The following CADPS2 variants were observed in gnomAD, a reference collection of about 807,000 sequenced individuals.
CADPS2 encodes the protein calcium dependent secretion activator 2.
In CADPS2, 93 loss-of-function variants were observed where a neutral mutation model predicts 172.5. The observed-to-expected ratio is 0.54, with a 90% CI of 0.46 to 0.64. The LOEUF (loss-of-function observed/expected upper bound fraction) is 0.64, where lower values mean the gene tolerates loss of function less well. CADPS2 is among the 30% of genes least tolerant of loss of function. CADPS2 has a pLI of 0.00. For synonymous variants in CADPS2, 546 were observed against 555.2 expected (o/e 0.98, Z 0.23); for missense variants, 1,420 against 1,565.9 (o/e 0.91, Z 1.57).
intron 28 of CADPS2, among the ~76,000 whole-genome samples, chr7:122,340,399 C>T (rs1039844500): frequency 6.6e-6 from 1 of 152,152 alleles, no homozygotes; most frequent in Admixed American, 6.5e-5. Context: ...TCAAGGTGGG[C>T]AGTGCCCAAT....
At chr7:122,759,918 G>A (rs1371321907) in intron 1 of CADPS2, among the ~76,000 whole-genome samples, 1 of 151,750 alleles carries the variant, frequency 6.6e-6, no homozygotes, top group Admixed American at 6.6e-5. Flanking sequence ...CAACTACACA[G>A]CTAATATGAG....
At chr7:122,603,555 A>G (rs1187158740) in intron 6 of CADPS2, among the ~76,000 whole-genome samples, 1 of 152,044 alleles carries the variant, frequency 6.6e-6, no homozygotes, top group East Asian at 1.9e-4. Context: ...GTTCCTACCT[A>G]TATTACCCCA....
At chr7:122,373,503 G>A (rs2042006987) in intron 25 of CADPS2, among the ~76,000 whole-genome samples, 1 of 152,102 alleles carries the variant, frequency 6.6e-6, no homozygotes, top group African/African-American at 2.4e-5. Flanking sequence ...GTGGACCCTG[G>A]TATCACGCCT....
intron 17 of CADPS2, among the ~76,000 whole-genome samples, chr7:122,434,102 G>C (rs893543267): frequency 6.6e-6 from 1 of 152,180 alleles, no homozygotes; most frequent in South Asian, 2.1e-4. Flanking sequence ...TCTACAACAG[G>C]AATGTTGTAG....
chr7:122,737,098 A>T (rs1333899614), intron 1 of CADPS2, 30 bp from the exon 2 acceptor site: 1 of 1,183,086 alleles, frequency 8.5e-7, no homozygotes, highest in South Asian at 1.2e-5. Flanking sequence ...TAAGCAGATA[A>T]ATTGGCCAGT....
At chr7:122,645,417 GTA>G (rs72243070) in intron 3 of CADPS2, among the ~76,000 whole-genome samples, 4 of 59,226 alleles carry the variant, frequency 6.8e-5, no homozygotes, top group African/African-American at 2.2e-4. Context: ...ATACACACAT[GTA>G]TATGTGTGTA....
chr7:122,554,775 T>C (rs568817250), intron 7 of CADPS2, 86 bp from the exon 8 acceptor site: 3 of 1,245,828 alleles, frequency 2.4e-6, no homozygotes, highest in Non-Finnish European at 3.2e-6. Context: ...GTTTTCCTGT[T>C]TGAAAAAATG....
At chr7:122,862,921 C>T (rs904273865) in intron 1 of CADPS2, among the ~76,000 whole-genome samples, 4 of 152,094 alleles carry the variant, frequency 2.6e-5, no homozygotes, top group African/African-American at 9.7e-5. Flanking sequence ...GATGTGTACA[C>T]CCACTTATAT....
intron 8 of CADPS2, among the ~76,000 whole-genome samples, chr7:122,534,437 T>C (rs2062046744): frequency 6.6e-6 from 1 of 152,078 alleles, no homozygotes; most frequent in African/African-American, 2.4e-5. Context: ...CTGAAAGATA[T>C]TATGCAGATT....
Position 122,409,001 on chromosome 7 carries a change from TG to T in CADPS2, c.2590-1306del, listed in dbSNP as rs2046995882. ...TGAGAGTTGGGGACATTTTAATGCC[TG>T]GCTCAATGCTGTGACCAATATATGA... On this transcript the variant is annotated intron_variant, in intron 19 of 29. Transcript: ENST00000449022. 4.6e-5 allele frequency among the ~76,000 whole-genome samples: 7 copies of T among 152,362 alleles called. No individual in the cohort carries two copies. The South Asian group carries it at 1.4e-3, about 32-fold the overall frequency.
chr7:122,586,165 A>T (rs2069653808), intron 6 of CADPS2, among the ~76,000 whole-genome samples: 1 of 152,030 alleles, frequency 6.6e-6, no homozygotes, highest in Non-Finnish European at 1.5e-5. Flanking sequence ...TACAAAACTG[A>T]ACGTGCACAT....
At chr7:122,580,691 T>G (rs2068695966) in intron 7 of CADPS2, among the ~76,000 whole-genome samples, 1 of 152,048 alleles carries the variant, frequency 6.6e-6, no homozygotes, top group African/African-American at 2.4e-5. Flanking sequence ...AGAATAATGT[T>G]AAAAGGTGTG....
At position 122,886,377 on chromosome 7, in the gene CADPS2, AG is replaced by A; in HGVS notation, c.-41del. The A allele has an allele frequency of 6.7e-7, 1 of 1,481,896 alleles. No homozygotes were observed. 91.8% of individuals were successfully genotyped at this position (1,481,896 alleles called of 1,614,324 possible). On this transcript the variant is annotated 5_prime_UTR_variant, in exon 1 of 30. Coordinates refer to ENST00000449022, the MANE Select transcript of CADPS2 (RefSeq NM_017954.11). ...CCCGCCGCTCGGCCCGCGGTCCCCA[AG>A]CGCCTCACCCCCGGCGGCTGCGCCC...
At chr7:122,416,707 T>C (rs2047962266) in intron 17 of CADPS2, among the ~76,000 whole-genome samples, 1 of 152,132 alleles carries the variant, frequency 6.6e-6, no homozygotes, top group Non-Finnish European at 1.5e-5. Context: ...CCAGCCACCA[T>C]CCCACCCCAC....
chr7:122,668,726 C>A (rs2081451571), intron 2 of CADPS2, among the ~76,000 whole-genome samples: 1 of 152,048 alleles, frequency 6.6e-6, no homozygotes, highest in Non-Finnish European at 1.5e-5. Context: ...GAAATCAGGT[C>A]AAATGAAGAG....
chr7:122,671,943 A>T (rs917884416), intron 2 of CADPS2, among the ~76,000 whole-genome samples: 62 of 152,210 alleles, frequency 4.1e-4, no homozygotes, highest in African/African-American at 1.4e-3. Flanking sequence ...TTATATGCTC[A>T]TATACGAAAG....
At chr7:122,777,626 T>G (rs1315315761) in intron 1 of CADPS2, among the ~76,000 whole-genome samples, 1 of 152,082 alleles carries the variant, frequency 6.6e-6, no homozygotes, top group African/African-American at 2.4e-5. Context: ...GGTGGTTACC[T>G]CCATGCTATT....
At chr7:122,449,512 G>C (rs1314572234) in intron 15 of CADPS2, among the ~76,000 whole-genome samples, 1 of 151,906 alleles carries the variant, frequency 6.6e-6, no homozygotes, top group African/African-American at 2.4e-5. Flanking sequence ...TGTAGAGATG[G>C]GGTCTCGCTA....
At chr7:122,432,445 G>A (rs2151902647) in intron 17 of CADPS2, among the ~76,000 whole-genome samples, 1 of 152,044 alleles carries the variant, frequency 6.6e-6, no homozygotes, top group South Asian at 2.1e-4. Context: ...TTCAAGATCA[G>A]CCTGGCCAAC....
Sources: gnomAD v4.1 joint callset for allele counts (sites outside exome capture counted in the v4.1 genomes callset) on GRCh38, gnomAD v4.1.1 for gene constraint, MANE v1.5 for transcripts, NCBI Gene and HGNC (gene_info 2026-07-23, HGNC 2026-07-21) for gene names.